Variants in HHAT observed in about 807,000 individuals in gnomAD.
HHAT encodes protein-cysteine N-palmitoyltransferase HHAT.
HHAT carries 47 observed loss-of-function variants against 70.8 expected under a neutral mutation model. The ratio of observed to expected loss-of-function variants is 0.66; its 90% CI spans 0.53 to 0.85. The LOEUF is 0.85. Ranked by LOEUF, HHAT falls within the 40% of genes least tolerant of loss-of-function variation. The probability of loss-of-function intolerance (pLI) is 0.00; values close to 1 mark genes in which losing one functional copy is unlikely to be tolerated. For missense variants in HHAT, 609 were observed against 604.8 expected, an observed-to-expected ratio of 1.01 and a Z score of -0.07; for synonymous variants, 228 against 247.6, an observed-to-expected ratio of 0.92 and a Z score of 0.74.
At position 210,378,498 on chromosome 1, in the gene HHAT, A is replaced by C. The variant is rs553277559; in HGVS notation, c.160-8970A>C. The stretch of plus-strand genomic sequence containing the variant: ...GAAGGAAAAAGAGGTATAATAATGA[A>C]AAATATAAACTGGTTGGTAAGGTAG... On this transcript the variant is annotated intron_variant, in intron 3 of 11. Transcript: ENST00000261458. 2.0e-5 allele frequency among the ~76,000 whole-genome samples: 3 copies of C among 152,290 alleles called. No individual in the cohort carries two copies. In the East Asian group the frequency reaches 5.8e-4, roughly 29 times the overall value.
At chr1:210,423,285 A>T (rs2092448) in intron 7 of HHAT, among the ~76,000 whole-genome samples, 67,800 of 151,974 alleles carry the variant, frequency 0.45, 15,259 homozygotes, top group Admixed American at 0.53. Context: ...GTGAGATGAT[A>T]TCCCATTGTG....
intron 11 of HHAT, among the ~76,000 whole-genome samples, chr1:210,661,161 C>G (rs1003395136): frequency 6.6e-6 from 1 of 152,214 alleles, no homozygotes; most frequent in Non-Finnish European, 1.5e-5. Context: ...TTTTTGCAAT[C>G]TACCCATCTG....
intron 3 of HHAT, among the ~76,000 whole-genome samples, chr1:210,375,325 T>C (rs780492635): frequency 6.6e-6 from 1 of 152,234 alleles, no homozygotes; most frequent in Admixed American, 6.5e-5. Flanking sequence ...AGGATTCTTA[T>C]ATCTTATTGG....
chr1:210,374,070 A>T (rs1279408534), intron 3 of HHAT: 1 of 152,230 alleles, frequency 6.6e-6, no homozygotes, highest in Non-Finnish European at 1.5e-5. Flanking sequence ...CACAATGTTT[A>T]AACAAACAGT....
chr1:210,388,736 C>T (rs891021341), intron 4 of HHAT, among the ~76,000 whole-genome samples: 3 of 152,074 alleles, frequency 2.0e-5, no homozygotes, highest in Non-Finnish European at 2.9e-5. Context: ...TCTTTACTCC[C>T]ACAAATTTCT....
At chr1:210,648,810 T>C (rs1024934581) in intron 11 of HHAT, among the ~76,000 whole-genome samples, 1 of 152,202 alleles carries the variant, frequency 6.6e-6, no homozygotes, top group African/African-American at 2.4e-5. Context: ...ATTTGAAAAT[T>C]GCATGGAGGT....
chr1:210,497,567 G>T (rs1318539448), intron 8 of HHAT, among the ~76,000 whole-genome samples: 4 of 152,116 alleles, frequency 2.6e-5, no homozygotes, highest in African/African-American at 9.7e-5. Flanking sequence ...TTGACTGTTT[G>T]CTCTTCACAC....
At chr1:210,502,150 C>T (rs997659282) in intron 8 of HHAT, among the ~76,000 whole-genome samples, 16 of 151,608 alleles carry the variant, frequency 1.1e-4, no homozygotes, top group Admixed American at 5.3e-4. Context: ...TTTGGGAGGC[C>T]GAGGTGGGTG....
At position 210,397,008 on chromosome 1, in the gene HHAT, T is replaced by C. The variant is rs537383470; in HGVS notation, c.274-3460T>C. ...AACCTATACATGTGATAAAATTGTATAGAACTAAACACACACATAAATTAA... is the reference window on the plus strand; with the variant it reads ...AACCTATACATGTGATAAAATTGTACAGAACTAAACACACACATAAATTAA... On this transcript the variant is annotated intron_variant, in intron 4 of 11. Coordinates refer to ENST00000261458, the MANE Select transcript of HHAT (RefSeq NM_018194.6). Among the ~76,000 whole-genome samples, 8 of 152,324 alleles carry C rather than the reference T, an allele frequency of 5.3e-5. No individual in the cohort carries two copies. In the South Asian group the frequency reaches 1.4e-3, roughly 28 times the overall value.
chr1:210,634,125 C>T (rs1671411603), intron 11 of HHAT, among the ~76,000 whole-genome samples: 1 of 152,150 alleles, frequency 6.6e-6, no homozygotes, highest in Non-Finnish European at 1.5e-5. Context: ...TAGAAATCTC[C>T]TGGGGCCAGG....
At chr1:210,511,848 G>A (rs2148579706) in intron 8 of HHAT, among the ~76,000 whole-genome samples, 1 of 142,870 alleles carries the variant, frequency 7.0e-6, no homozygotes, top group South Asian at 2.3e-4. Flanking sequence ...GGAGTGCAGT[G>A]GTGTGATCTC....
At chr1:210,543,757 T>C (rs944072365) in intron 9 of HHAT, among the ~76,000 whole-genome samples, 2 of 152,194 alleles carry the variant, frequency 1.3e-5, no homozygotes, top group Non-Finnish European at 2.9e-5. Context: ...TGCCTCTAAG[T>C]CCATCCTTTC....
At chr1:210,624,891 A>G (rs1669536063) in intron 11 of HHAT, among the ~76,000 whole-genome samples, 1 of 152,182 alleles carries the variant, frequency 6.6e-6, no homozygotes, top group Non-Finnish European at 1.5e-5. Flanking sequence ...AGCTTTGCCA[A>G]GTGGTGATGA....
intron 1 of HHAT, among the ~76,000 whole-genome samples, chr1:210,332,033 A>G (rs562188546): frequency 1.3e-5 from 2 of 152,330 alleles, no homozygotes; most frequent in Admixed American, 1.3e-4. Context: ...AACAGATGTG[A>G]GTTAAGGGCA....
intron 1 of HHAT, among the ~76,000 whole-genome samples, chr1:210,345,230 C>CA (rs2086414090): frequency 6.6e-6 from 1 of 152,050 alleles, no homozygotes; most frequent in African/African-American, 2.4e-5. Context: ...GCATCCTGAG[C>CA]TGCTGGAATG....
intron 8 of HHAT, among the ~76,000 whole-genome samples, chr1:210,492,965 A>G (rs1245510602): frequency 2.6e-5 from 4 of 152,106 alleles, no homozygotes; most frequent in African/African-American, 4.8e-5. Context: ...CAATTCTTAA[A>G]TAGTTCCCTT....
intron 7 of HHAT, among the ~76,000 whole-genome samples, chr1:210,460,596 G>A (rs948236318): frequency 6.6e-6 from 1 of 152,120 alleles, no homozygotes; most frequent in African/African-American, 2.4e-5. Flanking sequence ...CTCTATAAGG[G>A]CTGTTAGCAT....
At chr1:210,471,108 T>A (rs908585396) in intron 8 of HHAT, among the ~76,000 whole-genome samples, 5 of 152,172 alleles carry the variant, frequency 3.3e-5, no homozygotes, top group Non-Finnish European at 7.4e-5. Flanking sequence ...GAAATTTTGA[T>A]CACCAGGTCT....
At chr1:210,475,572 A>G (rs1339570545) in intron 8 of HHAT, among the ~76,000 whole-genome samples, 1 of 152,196 alleles carries the variant, frequency 6.6e-6, no homozygotes, top group Non-Finnish European at 1.5e-5. Context: ...AGGGGAAGCT[A>G]GAACATGGGA....
Sources: allele counts gnomAD v4.1 joint callset (sites outside exome capture counted in the v4.1 genomes callset), GRCh38; gene constraint gnomAD v4.1.1; transcripts MANE v1.5; gene names NCBI Gene and HGNC (gene_info 2026-07-23, HGNC 2026-07-21).